SLC60A2: variants seen among roughly 807,000 people sequenced by gnomAD.
The protein encoded by SLC60A2 is major facilitator superfamily domain containing 4B.
chr6:111,266,634 T>TG, the SLC60A2 span: 1 of 1,614,226 alleles, frequency 6.2e-7, no homozygotes, highest in Non-Finnish European at 8.5e-7. Context: ...TGCAGCATTT[T>TG]TTGTAATTGG....
chr6:111,263,895 C>T, the SLC60A2 span: 1 of 1,611,910 alleles, frequency 6.2e-7, no homozygotes, highest in Non-Finnish European at 8.5e-7. Context: ...AGCAATATTA[C>T]TCACTGTCAT....
chr6:111,275,452 C>T, the SLC60A2 span, among the ~76,000 whole-genome samples: 1 of 151,154 alleles, frequency 6.6e-6, no homozygotes, highest in Non-Finnish European at 1.5e-5. Context: ...CTCTGTCACC[C>T]AGGCTGGAGT....
chr6:111,268,351 T>G, the SLC60A2 span: 1 of 152,204 alleles, frequency 6.6e-6, no homozygotes, highest in Non-Finnish European at 1.5e-5. Flanking sequence ...TTACAATCAG[T>G]GATCGTTTAA....
chr6:111,267,153 A>G, the SLC60A2 span: 1 of 1,556,600 alleles, frequency 6.4e-7, no homozygotes, highest in Non-Finnish European at 8.7e-7. Context: ...TCTTTGAATA[A>G]CTGCCACTTC....
chr6:111,263,571 CT>C, the SLC60A2 span, among the ~76,000 whole-genome samples: 1 of 152,082 alleles, frequency 6.6e-6, no homozygotes, highest in African/African-American at 2.4e-5. Flanking sequence ...TGGTATAAAA[CT>C]TTGCCTTATG....
the SLC60A2 span, among the ~76,000 whole-genome samples, chr6:111,272,166 C>T: frequency 1.4e-4 from 22 of 152,204 alleles, no homozygotes; most frequent in African/African-American, 5.1e-4. Flanking sequence ...CCATGCCTGG[C>T]TAATTTTTGT....
chr6:111,267,128 G>A, the SLC60A2 span: 6 of 1,586,940 alleles, frequency 3.8e-6, no homozygotes, highest in Non-Finnish European at 5.1e-6. Flanking sequence ...AGAGAAGATG[G>A]ATTACTCACT....
the SLC60A2 span, among the ~76,000 whole-genome samples, chr6:111,260,802 C>T: frequency 1.3e-5 from 2 of 152,140 alleles, no homozygotes; most frequent in Non-Finnish European, 2.9e-5. Flanking sequence ...CTGACTTGTC[C>T]GGTCCTGTTG....
the SLC60A2 span, among the ~76,000 whole-genome samples, chr6:111,277,368 CCTAAGAGGGTAAGATTT>C: frequency 7.2e-5 from 11 of 152,110 alleles, no homozygotes; most frequent in African/African-American, 2.2e-4. Context: ...AAAGCTTTCT[CCTAAGAGGGTAAGATTT>C]CTACTTGAGT....
the SLC60A2 span, among the ~76,000 whole-genome samples, chr6:111,262,822 A>AG: frequency 6.6e-6 from 1 of 152,136 alleles, no homozygotes; most frequent in African/African-American, 2.4e-5. Flanking sequence ...GGGAATGAAG[A>AG]GGGGAAGCGA....
the SLC60A2 span, among the ~76,000 whole-genome samples, chr6:111,262,894 A>G: frequency 6.8e-6 from 1 of 147,430 alleles, no homozygotes; most frequent in Non-Finnish European, 1.5e-5. Flanking sequence ...TCGTTGGACA[A>G]CCCCAGAGTG....
the SLC60A2 span, chr6:111,266,815 AAGAC>A: frequency 1.2e-6 from 2 of 1,613,996 alleles, no homozygotes; most frequent in Admixed American, 1.7e-5. Flanking sequence ...CAGCGAAAAG[AAGAC>A]AGAAAGAGTG....
At chr6:111,275,958 T>G in the SLC60A2 span, among the ~76,000 whole-genome samples, 1 of 152,182 alleles carries the variant, frequency 6.6e-6, no homozygotes, top group Admixed American at 6.5e-5. Flanking sequence ...CCAGCCCTTG[T>G]CAACCACCAT....
the SLC60A2 span, among the ~76,000 whole-genome samples, chr6:111,262,080 CAA>C: frequency 7.0e-6 from 1 of 142,640 alleles, no homozygotes; most frequent in Admixed American, 7.0e-5. Context: ...GGTGTCAAAA[CAA>C]AAAAAAAATA....
At chr6:111,260,118 C>A in the SLC60A2 span, among the ~76,000 whole-genome samples, 2 of 152,158 alleles carry the variant, frequency 1.3e-5, no homozygotes, top group Non-Finnish European at 2.9e-5. Flanking sequence ...GCCATGTTGG[C>A]CAGGCTGGTT....
chr6:111,267,236 A>G, the SLC60A2 span: 2 of 975,434 alleles, frequency 2.1e-6, no homozygotes, highest in African/African-American at 1.6e-5. Flanking sequence ...TTAGGTCCAT[A>G]TTATAGCAAA....
At chr6:111,271,556 T>C in the SLC60A2 span, among the ~76,000 whole-genome samples, 1 of 151,446 alleles carries the variant, frequency 6.6e-6, no homozygotes, top group South Asian at 2.1e-4. Context: ...TGGTTATTAG[T>C]TTGAAGAATT....
the SLC60A2 span, chr6:111,265,947 T>G: frequency 2.5e-6 from 4 of 1,614,184 alleles, no homozygotes. Flanking sequence ...ACACTTCTCT[T>G]TTGCCTTGGG....
the SLC60A2 span, among the ~76,000 whole-genome samples, chr6:111,273,873 G>C: frequency 4.6e-5 from 7 of 152,128 alleles, no homozygotes; most frequent in Non-Finnish European, 7.4e-5. Context: ...CTACAGGTGT[G>C]TGTCACCATG....
Sources: gnomAD v4.1 joint callset for allele counts (sites outside exome capture counted in the v4.1 genomes callset) on GRCh38, gnomAD v4.1.1 for gene constraint, MANE v1.5 for transcripts, NCBI Gene and HGNC (gene_info 2026-07-23, HGNC 2026-07-21) for gene names.